The following LRRC45 variants were observed in gnomAD, a reference collection of about 807,000 sequenced individuals.
LRRC45 encodes leucine-rich repeat-containing protein 45.
In LRRC45, 73 loss-of-function variants were observed where a neutral mutation model predicts 85.4. The observed-to-expected ratio is 0.85, with a 90% confidence interval of 0.71 to 1.04. The LOEUF is 1.04. Ranked by LOEUF, LRRC45 falls within the 50% of genes least tolerant of loss-of-function variation. The pLI, the probability that LRRC45 is intolerant of heterozygous loss-of-function variation, is 0.00. For missense variants in LRRC45, 937 were observed against 883.3 expected, an observed-to-expected ratio of 1.06 and a Z score of -0.77; for synonymous variants, 429 against 386.0, an observed-to-expected ratio of 1.11 and a Z score of -1.31.
chr17:82,027,822 T>C, intron 8 of LRRC45, 71 bp downstream of exon 8: 3 of 1,563,806 alleles, frequency 1.9e-6, no homozygotes, highest in Non-Finnish European at 2.6e-6. Flanking sequence ...TGTGAACCTG[T>C]GTGCAAGTCC....
At chr17:82,029,682 G>A (rs1416104505) in intron 14 of LRRC45, 47 bp downstream of exon 14, 1 of 1,525,288 alleles carries the variant, frequency 6.6e-7, no homozygotes, top group South Asian at 1.2e-5. Context: ...AGGCTGCCCG[G>A]CATTGCGGCC....
In LRRC45 at chr17:82,024,675, G is replaced by A. The variant is rs768013826; in HGVS notation, c.283-18G>A. ...CAGTCAGGGCACGCGAGTGACTACC[G>A]GCCTGTTTCTCTCCTAGGGCAACAA... On this transcript the variant is annotated intron_variant, in intron 2 of 16. Transcript: ENST00000306688. 23 of 1,567,154 alleles carry A rather than the reference G, an allele frequency of 1.5e-5. No homozygotes were observed. The highest frequency in any genetic ancestry group is 1.7e-4 in the Middle Eastern group (1 of 5,886).
chr17:82,028,941 C>A, intron 12 of LRRC45, 152 bp from the exon 13 acceptor site: 1 of 742,716 alleles, frequency 1.3e-6, no homozygotes, highest in Non-Finnish European at 2.3e-6. Flanking sequence ...GTGCATGCTG[C>A]GGTAGTTTCC....
chr17:82,025,572 G>A (rs946919260), intron 5 of LRRC45, 65 bp downstream of exon 5: 1 of 1,465,602 alleles, frequency 6.8e-7, no homozygotes, highest in Non-Finnish European at 9.1e-7. Flanking sequence ...ACCGAGGGCG[G>A]GGTGCCGGGC....
Position 82,030,814 on chromosome 17 carries a change from G to T in LRRC45, c.*9G>T. 7.5e-7 allele frequency: 1 copy of T among 1,336,848 alleles called. No homozygotes were observed. The highest frequency in any genetic ancestry group is 9.7e-7 in the Non-Finnish European group (1 of 1,030,766). 82.8% of individuals were successfully genotyped at this position (1,336,848 alleles called of 1,614,324 possible). A position where few individuals can be genotyped will look rare whatever the true frequency, so the allele number is the denominator to read the frequency against. On this transcript the variant is annotated 3_prime_UTR_variant, in exon 17 of 17. Transcript: ENST00000306688. ...TGAGCCCCCCAAAGTGAGACAGGCC[G>T]GGAGGACCCGGGCGCAGTAGGAGTG...
Position 82,029,599 on chromosome 17 carries a change from G to T in LRRC45, c.1458G>T (p.Glu486Asp). 6.3e-7 allele frequency: 1 copy of T among 1,580,132 alleles called. No individual in the cohort carries two copies. Among genetic ancestry groups the T allele is most frequent in the Non-Finnish European group, 8.6e-7 (1 of 1,164,536 alleles). Residue 486 changes from glutamate (E) to aspartate (D), a missense_variant, in exon 14 of 17, where the codon GAG becomes GAT. By Grantham distance (45) the Glu-to-Asp change is conservative. Coordinates refer to ENST00000306688, the MANE Select transcript of LRRC45 (RefSeq NM_144999.4). ...GCGAGCGTGGCCAGGCTGAGGAGGA[G>T]CTGATCAAGGCCAAGAGCCAGGCCC... ...ALSERGQAEE[E>D]LIKAKSQARL...
chr17:82,030,567 G>T (rs1296627033), intron 16 of LRRC45, 42 bp from the exon 17 acceptor site: 2 of 1,471,004 alleles, frequency 1.4e-6, no homozygotes, highest in Non-Finnish European at 1.8e-6. Context: ...GTGCCACGGT[G>T]CGCTGGGGCT....
chr17:82,025,265 T>C, intron 4 of LRRC45, 87 bp downstream of exon 4: 1 of 1,526,776 alleles, frequency 6.5e-7, no homozygotes, highest in South Asian at 1.3e-5. Context: ...GACTGGCCTG[T>C]GCTCCTGCTC....
In LRRC45 at chr17:82,030,445, GC is replaced by G. The variant is rs1232390883; in HGVS notation, c.1798del (p.Leu600TrpfsTer5). The G allele has an allele frequency of 6.5e-7, 1 of 1,546,152 alleles. No individual in the cohort carries two copies. The highest frequency in any genetic ancestry group is 2.0e-5 in the Admixed American group (1 of 51,074). On this transcript the variant is annotated frameshift_variant, in exon 16 of 17. Coordinates refer to ENST00000306688, the MANE Select transcript of LRRC45 (RefSeq NM_144999.4). LOFTEE classifies it high-confidence loss of function. ...AQEALREKAA[A>X]LERQLKVMAS... ...GGAGGCGCTGAGGGAGAAGGCGGCG[GC>G]CCTGGAGCGCCAGCTGAAAGGTGAG... is the stretch of plus-strand genomic sequence containing the variant.
intron 8 of LRRC45, 93 bp from the exon 9 acceptor site, chr17:82,027,918 G>A: frequency 6.5e-7 from 1 of 1,531,682 alleles, no homozygotes; most frequent in Non-Finnish European, 8.8e-7. Context: ...GGCTGGGGTT[G>A]ACTAGGTGCC....
chr17:82,025,385 G>T lies in LRRC45; in HGVS notation c.539G>T (p.Arg180Leu), dbSNP rs950299903. The change falls in exon 5 of 17, where the codon CGC becomes CTC. Residue 180 changes from arginine to leucine, a missense_variant. Coordinates refer to ENST00000306688, the MANE Select transcript of LRRC45 (RefSeq NM_144999.4). Reference sequence around the variant, plus strand: ...ACTACAGGTTTCCTTCCAGACCTGCGCTGGAATAACGTTGGCCTCCTGGGG... The same window carrying T: ...ACTACAGGTTTCCTTCCAGACCTGCTCTGGAATAACGTTGGCCTCCTGGGG... ...GNTTLQQLDL[R>L]WNNVGLLGGR... 2 of 1,583,794 alleles carry T rather than the reference G, an allele frequency of 1.3e-6. No homozygotes were observed. Among genetic ancestry groups the T allele is most frequent in the African/African-American group, 2.7e-5 (2 of 74,122 alleles).
Position 82,024,446 on chromosome 17 carries a change from GCTGT to G in LRRC45, c.282+112_282+115del, listed in dbSNP as rs560452188. 1.6e-4 allele frequency: 222 copies of G among 1,365,108 alleles called. No homozygotes were observed. The East Asian group carries it at 4.1e-3, about 25-fold the overall frequency. 84.6% of individuals were successfully genotyped at this position (1,365,108 alleles called of 1,614,324 possible). Reference sequence around the variant, plus strand: ...CTGGGGTCTGGGCAGGTGGCTGGAAGCTGTCTGTGAGTCCCCAGGCCGCTCTCTG... The same window carrying G: ...CTGGGGTCTGGGCAGGTGGCTGGAAGCTGTGAGTCCCCAGGCCGCTCTCTG... On this transcript the variant is annotated intron_variant, in intron 2 of 16. Coordinates refer to ENST00000306688, the MANE Select transcript of LRRC45 (RefSeq NM_144999.4).
chr17:82,027,692 A>G lies in LRRC45; in HGVS notation c.852A>G (p.Val284=), dbSNP rs762105399. 1.2e-6 allele frequency: 2 copies of G among 1,610,866 alleles called. No homozygotes were observed. Among genetic ancestry groups the G allele is most frequent in the Non-Finnish European group, 1.7e-6 (2 of 1,179,150 alleles). ...CCCACAGGGCGTCGGCAGCCCGTGTAGGGCAGCTTCAGGAAGCCCTGAATG... is the reference window on the plus strand; with the variant it reads ...CCCACAGGGCGTCGGCAGCCCGTGTGGGGCAGCTTCAGGAAGCCCTGAATG... ...AKSSRASAAR[V]GQLQEALNER... is the part of the protein sequence containing the mutation. The change falls in exon 8 of 17, where the codon GTA becomes GTG. Residue 284 remains valine (V), a synonymous_variant. Coordinates refer to ENST00000306688, the MANE Select transcript of LRRC45 (RefSeq NM_144999.4).
rs372034528 is a variant in LRRC45, at chr17:82,025,488, A to T, written c.642A>T (p.Gly214=). The T allele has an allele frequency of 3.1e-5, 50 of 1,606,780 alleles. No homozygotes were observed. In the African/African-American group the frequency reaches 5.3e-4, roughly 17 times the overall value. ...RLDLAGNNIP[G]DVLRAVEQAM... ...ACCTGGCTGGGAACAACATCCCTGGAGACGTCCTCAGAGCCGTGGGTACGG... is the reference window on the plus strand; with the variant it reads ...ACCTGGCTGGGAACAACATCCCTGGTGACGTCCTCAGAGCCGTGGGTACGG... Residue 214 remains glycine (G), a synonymous_variant, in exon 5 of 17, where the codon GGA becomes GGT. Coordinates refer to ENST00000306688, the MANE Select transcript of LRRC45 (RefSeq NM_144999.4).
intron 2 of LRRC45, 136 bp downstream of exon 2, chr17:82,024,475 G>C: frequency 9.2e-7 from 1 of 1,088,808 alleles, no homozygotes; most frequent in Non-Finnish European, 1.3e-6. Flanking sequence ...GCCGCTCTCT[G>C]ATGGCCTCCT....
intron 1 of LRRC45, 41 bp from the exon 2 acceptor site, chr17:82,024,237 T>A: frequency 6.2e-7 from 1 of 1,604,918 alleles, no homozygotes; most frequent in Non-Finnish European, 8.5e-7. Flanking sequence ...GGCCTTGGGG[T>A]CAGCAGGGGC....
At chr17:82,028,960 C>T (rs1389211636) in intron 12 of LRRC45, 133 bp from the exon 13 acceptor site, 1 of 828,732 alleles carries the variant, frequency 1.2e-6, no homozygotes, top group Non-Finnish European at 1.9e-6. Flanking sequence ...CCTGCTAGGC[C>T]ATCTGAGGCA....
Position 82,026,599 on chromosome 17 carries a change from T to A in LRRC45, c.662-300T>A, listed in dbSNP as rs569890929. ...GTGTGTGTGTGTGTGTGTGTGTGTG[T>A]GACTGAGTTTCACTCAGTCACCCAG... is the stretch of plus-strand genomic sequence containing the variant. On this transcript the variant is annotated intron_variant, in intron 5 of 16. Transcript: ENST00000306688. Among the ~76,000 whole-genome samples, 16 of 151,100 alleles carry A rather than the reference T, an allele frequency of 1.1e-4. 1 individual carries two copies. The highest frequency in any genetic ancestry group is 4.2e-4 in the South Asian group (2 of 4,800).
chr17:82,029,353 C>T, intron 13 of LRRC45, 168 bp downstream of exon 13: 4 of 889,690 alleles, frequency 4.5e-6, no homozygotes, highest in Non-Finnish European at 6.8e-6. Flanking sequence ...GCTAAAGGGA[C>T]TTAGGTGGCA....
Sources: gnomAD v4.1 joint callset for allele counts (sites outside exome capture counted in the v4.1 genomes callset) on GRCh38, gnomAD v4.1.1 for gene constraint, MANE v1.5 for transcripts, NCBI Gene and HGNC (gene_info 2026-07-23, HGNC 2026-07-21) for gene names.